The following LRRC3B variants were observed in gnomAD, a reference collection of about 807,000 sequenced individuals.
LRRC3B encodes the protein leucine rich repeat containing 3B.
Under a neutral mutation model 12.8 loss-of-function variants are expected in LRRC3B, and 2 were observed. That is an observed-to-expected ratio of 0.16 (90% CI 0.06 to 0.49). The LOEUF is 0.49. Ranked by LOEUF, LRRC3B falls within the 20% of genes least tolerant of loss-of-function variation. The pLI, the probability that LRRC3B is intolerant of heterozygous loss-of-function variation, is 0.96. For synonymous variants in LRRC3B, 132 were observed against 122.0 expected (o/e 1.08, Z -0.54); for missense variants, 189 against 319.4 (o/e 0.59, Z 3.11).
intron 1 of LRRC3B, among the ~76,000 whole-genome samples, chr3:26,699,039 TTTG>T (rs1294674574): frequency 2.0e-5 from 3 of 152,008 alleles, no homozygotes; most frequent in Non-Finnish European, 4.4e-5. Context: ...GTTATTTTGT[TTTG>T]TTTATTTTTT....
chr3:26,631,968 G>A (rs75784604), intron 1 of LRRC3B, among the ~76,000 whole-genome samples: 2,909 of 152,304 alleles, frequency 0.019, 45 homozygotes, highest in Non-Finnish European at 0.033. Flanking sequence ...TGTTTAAGTT[G>A]ACTCAGACTC....
At chr3:26,685,519 CTCTCTATATATATATATATATA>C (rs1249713594) in intron 1 of LRRC3B, among the ~76,000 whole-genome samples, 102 of 47,778 alleles carry the variant, frequency 2.1e-3, no homozygotes, top group East Asian at 0.02. Flanking sequence ...CTCTCTCTCT[CTCTCTATATATATATATATATA>C]TATATATATA....
At chr3:26,643,450 AT>A (rs754701988) in intron 1 of LRRC3B, among the ~76,000 whole-genome samples, 10 of 152,106 alleles carry the variant, frequency 6.6e-5, no homozygotes, top group Non-Finnish European at 1.5e-4. Flanking sequence ...AGGGCTCAGC[AT>A]GGAGTGGTGG....
At chr3:26,702,804 A>G (rs1360268510) in intron 1 of LRRC3B, among the ~76,000 whole-genome samples, 1 of 152,162 alleles carries the variant, frequency 6.6e-6, no homozygotes, top group East Asian at 1.9e-4. Context: ...GGCCATGAGA[A>G]TGCAAAGCAA....
chr3:26,671,373 T>G (rs11720770), intron 1 of LRRC3B, among the ~76,000 whole-genome samples: 10,129 of 28,462 alleles, frequency 0.36, 2,460 homozygotes, highest in East Asian at 0.56. Context: ...TATATATATA[T>G]AGAGAGAGAG....
At chr3:26,679,754 G>A (rs888806107) in intron 1 of LRRC3B, among the ~76,000 whole-genome samples, 1 of 152,116 alleles carries the variant, frequency 6.6e-6, no homozygotes. Flanking sequence ...GCTTTATGAG[G>A]GCAGAAACCT....
chr3:26,702,544 G>T (rs1419266842), intron 1 of LRRC3B, among the ~76,000 whole-genome samples: 1 of 152,164 alleles, frequency 6.6e-6, no homozygotes, highest in Non-Finnish European at 1.5e-5. Flanking sequence ...TCTCCTCATT[G>T]AGCTGTTTGT....
At chr3:26,672,705 C>T (rs945910981) in intron 1 of LRRC3B, among the ~76,000 whole-genome samples, 1 of 152,208 alleles carries the variant, frequency 6.6e-6, no homozygotes, top group Non-Finnish European at 1.5e-5. Flanking sequence ...AGTGGCTATG[C>T]TATGTAGCTG....
chr3:26,654,603 A>G (rs138064051), intron 1 of LRRC3B, among the ~76,000 whole-genome samples: 3 of 152,348 alleles, frequency 2.0e-5, no homozygotes, highest in East Asian at 1.9e-4. Flanking sequence ...CAGAGAGAAC[A>G]GCATAAGCAA....
intron 1 of LRRC3B, among the ~76,000 whole-genome samples, chr3:26,650,512 A>G (rs1468269502): frequency 6.6e-6 from 1 of 152,170 alleles, no homozygotes; most frequent in East Asian, 1.9e-4. Context: ...GGAACAGCAC[A>G]CCCTGGATAC....
intron 1 of LRRC3B, among the ~76,000 whole-genome samples, chr3:26,700,777 A>G (rs1422332909): frequency 6.6e-6 from 1 of 152,160 alleles, no homozygotes; most frequent in Non-Finnish European, 1.5e-5. Context: ...CATGCTCTGG[A>G]AACCAAAGGA....
intron 1 of LRRC3B, among the ~76,000 whole-genome samples, chr3:26,699,234 A>G (rs1200182254): frequency 2.0e-5 from 3 of 152,104 alleles, no homozygotes; most frequent in African/African-American, 7.2e-5. Context: ...GAAATGTGAA[A>G]CCCTCAAGAC....
intron 1 of LRRC3B, among the ~76,000 whole-genome samples, chr3:26,645,629 A>G (rs1699127475): frequency 6.6e-6 from 1 of 152,116 alleles, no homozygotes; most frequent in South Asian, 2.1e-4. Flanking sequence ...TGCTTCCGGC[A>G]TTGCTCTTAG....
chr3:26,650,606 G>A (rs944556698), intron 1 of LRRC3B, among the ~76,000 whole-genome samples: 1 of 151,978 alleles, frequency 6.6e-6, no homozygotes, highest in Non-Finnish European at 1.5e-5. Flanking sequence ...CCAAACACTA[G>A]CATTTCCAAA....
At chr3:26,702,821 C>T (rs535255522) in intron 1 of LRRC3B, among the ~76,000 whole-genome samples, 2 of 151,900 alleles carry the variant, frequency 1.3e-5, no homozygotes, top group Non-Finnish European at 2.9e-5. Flanking sequence ...GCAAGGGACA[C>T]GTAGAATGGA....
intron 1 of LRRC3B, among the ~76,000 whole-genome samples, chr3:26,653,698 AGTACGGCTCAGGACCAG>A (rs1699311608): frequency 6.6e-6 from 1 of 152,194 alleles, no homozygotes; most frequent in African/African-American, 2.4e-5. Context: ...CATTTCTCTG[AGTACGGCTCAGGACCAG>A]GTGTCAGATT....
intron 1 of LRRC3B, among the ~76,000 whole-genome samples, chr3:26,652,236 T>C (rs565057886): frequency 6.6e-6 from 1 of 152,324 alleles, no homozygotes; most frequent in South Asian, 2.1e-4. Flanking sequence ...GAATAACACC[T>C]GCATGATCAA....
At chr3:26,694,547 C>T (rs1349341148) in intron 1 of LRRC3B, 1 of 152,204 alleles carries the variant, frequency 6.6e-6, no homozygotes, top group Non-Finnish European at 1.5e-5. Context: ...TACCATGAGA[C>T]AGTCATTATC....
At chr3:26,680,928 G>C (rs1399925320) in intron 1 of LRRC3B, among the ~76,000 whole-genome samples, 1 of 152,138 alleles carries the variant, frequency 6.6e-6, no homozygotes, top group Non-Finnish European at 1.5e-5. Flanking sequence ...ATAGAATTTA[G>C]TTTTGTAAGC....
Sources: gnomAD v4.1 joint callset for allele counts (sites outside exome capture counted in the v4.1 genomes callset) on GRCh38, gnomAD v4.1.1 for gene constraint, MANE v1.5 for transcripts, NCBI Gene and HGNC (gene_info 2026-07-23, HGNC 2026-07-21) for gene names.